The following TTC34 variants were observed in gnomAD, a reference collection of about 807,000 sequenced individuals.
TTC34 encodes the protein tetratricopeptide repeat domain 34, also known as tetratricopeptide repeat protein 34.
TTC34 carries 44 observed loss-of-function variants against 40.7 expected under a neutral mutation model. That is an observed-to-expected ratio of 1.08 (90% CI 0.85 to 1.39). The LOEUF (loss-of-function observed/expected upper bound fraction) is 1.39, where lower values mean the gene tolerates loss of function less well. TTC34 is among the 40% of genes most tolerant of loss of function. The probability of loss-of-function intolerance (pLI) is 0.00; values close to 1 mark genes in which losing one functional copy is unlikely to be tolerated. For missense variants in TTC34, 884 were observed against 838.0 expected, an observed-to-expected ratio of 1.05 and a Z score of -0.68; for synonymous variants, 422 against 398.6, an observed-to-expected ratio of 1.06 and a Z score of -0.70.
chr1:2,750,775 G>C (rs1455090237), intron 6 of TTC34, among the ~76,000 whole-genome samples: 1 of 105,730 alleles, frequency 9.5e-6, no homozygotes, highest in South Asian at 3.4e-4. Flanking sequence ...AAACACAGGT[G>C]AACATCGGAG....
intron 6 of TTC34, among the ~76,000 whole-genome samples, chr1:2,753,026 C>G (rs1641376499): frequency 2.7e-5 from 4 of 146,582 alleles, no homozygotes; most frequent in Non-Finnish European, 4.5e-5. Context: ...TCCAGGTGAG[C>G]ATCCGACAGC....
At position 2,772,933 on chromosome 1, in the gene TTC34, C is replaced by G. The variant is rs553131237; in HGVS notation, c.2226+10676G>C. The stretch of plus-strand genomic sequence containing the variant: ...GCATTCGACAGCCTGGAACAGCACC[C>G]ATACCCCCAGGCGAGCATCTGACAG... On this transcript the variant is annotated intron_variant, in intron 6 of 8. Coordinates refer to ENST00000401095, the Ensembl canonical transcript of TTC34. Among the ~76,000 whole-genome samples the G allele has an allele frequency of 3.0e-5, 4 of 133,278 alleles. No individual in the cohort carries two copies. In the South Asian group the frequency reaches 9.9e-4, roughly 33 times the overall value. The allele number at this position is 133,278 out of a possible 152,430, so 87.4% of individuals were successfully genotyped here.
intron 2 of TTC34, among the ~76,000 whole-genome samples, chr1:2,795,540 G>A (rs911297588): frequency 1.3e-5 from 2 of 152,186 alleles, no homozygotes; most frequent in Admixed American, 1.3e-4. Flanking sequence ...TGGGGCCTCT[G>A]AGGCTTGGGC....
At chr1:2,648,277 AG>A (rs1452200038) in intron 6 of TTC34, among the ~76,000 whole-genome samples, 3 of 152,074 alleles carry the variant, frequency 2.0e-5, no homozygotes, top group African/African-American at 7.2e-5. Context: ...CTGTCCTGCA[AG>A]GGGGCTGATT....
chr1:2,799,035 TAGCCTCCC>T (rs1308743653), intron 2 of TTC34, among the ~76,000 whole-genome samples: 6 of 23,148 alleles, frequency 2.6e-4, no homozygotes, highest in South Asian at 3.2e-3. Context: ...CCCAGCCCCC[TAGCCTCCC>T]AGCCTCCCAG....
chr1:2,784,990 TGCTCTGGGCC>T (rs782068224), intron 5 of TTC34, among the ~76,000 whole-genome samples: 4 of 150,838 alleles, frequency 2.7e-5, no homozygotes, highest in Non-Finnish European at 4.4e-5. Context: ...CGCTCTGGGC[TGCTCTGGGCC>T]GCTCTGGGCC....
chr1:2,800,342 G>C (rs751358), exon 2 of TTC34: 159,648 of 398,438 alleles, frequency 0.4, 33,647 homozygotes, highest in Non-Finnish European at 0.44. Context: ...CGAAGGCCTG[G>C]AGATAGGCGG....
At chr1:2,642,481 G>C (rs1372713519) in intron 8 of TTC34, among the ~76,000 whole-genome samples, 1 of 152,178 alleles carries the variant, frequency 6.6e-6, no homozygotes, top group East Asian at 1.9e-4. Context: ...TGTGCTGTGG[G>C]CTGCTGCTGG....
intron 6 of TTC34, among the ~76,000 whole-genome samples, chr1:2,760,846 G>C (rs1301639978): frequency 1.4e-4 from 2 of 14,004 alleles, no homozygotes; most frequent in Non-Finnish European, 1.0e-4. Flanking sequence ...ACCCATACCC[G>C]CAGTTGAGCA....
At chr1:2,691,616 C>T (rs867502477) in intron 6 of TTC34, among the ~76,000 whole-genome samples, 1 of 119,098 alleles carries the variant, frequency 8.4e-6, no homozygotes. Context: ...TGGAACAGCA[C>T]CCTGCACCCC....
intron 6 of TTC34, among the ~76,000 whole-genome samples, chr1:2,684,666 A>T (rs958782705): frequency 7.9e-6 from 1 of 126,994 alleles, no homozygotes; most frequent in African/African-American, 3.5e-5. Flanking sequence ...AGCCTGGAGC[A>T]GCACCCACAC....
At chr1:2,654,043 C>A (rs1207209793) in intron 6 of TTC34, among the ~76,000 whole-genome samples, 1 of 151,788 alleles carries the variant, frequency 6.6e-6, no homozygotes, top group East Asian at 1.9e-4. Context: ...TGGAGCAGTG[C>A]CCACACCACC....
chr1:2,681,964 C>T (rs1358840230), intron 6 of TTC34, among the ~76,000 whole-genome samples: 15 of 114,772 alleles, frequency 1.3e-4, no homozygotes, highest in East Asian at 7.0e-4. Flanking sequence ...GAGCATCTGA[C>T]GGCCTGGAAC....
At chr1:2,799,520 G>C (rs1643750352) in intron 2 of TTC34, among the ~76,000 whole-genome samples, 1 of 151,976 alleles carries the variant, frequency 6.6e-6, no homozygotes, top group South Asian at 2.1e-4. Flanking sequence ...TCCAGCCTGG[G>C]CAACAAGAAT....
intron 6 of TTC34, among the ~76,000 whole-genome samples, chr1:2,698,606 A>C (rs550927415): frequency 3.3e-5 from 2 of 60,486 alleles, no homozygotes; most frequent in Admixed American, 1.5e-4. Flanking sequence ...CAGCACCCAC[A>C]CTCCCAGACG....
intron 6 of TTC34, among the ~76,000 whole-genome samples, chr1:2,750,987 G>C (rs1488798243): frequency 1.1e-5 from 1 of 94,122 alleles, no homozygotes; most frequent in Non-Finnish European, 2.0e-5. Flanking sequence ...GCATGTGATG[G>C]TCTGGAGCAG....
At chr1:2,651,724 C>A (rs927718824) in intron 6 of TTC34, among the ~76,000 whole-genome samples, 2 of 151,504 alleles carry the variant, frequency 1.3e-5, no homozygotes, top group Non-Finnish European at 2.9e-5. Flanking sequence ...CCTCTCCAAC[C>A]TTCAGGTGAT....
intron 6 of TTC34, among the ~76,000 whole-genome samples, chr1:2,700,651 C>CAGATTTTT (rs1557634300): frequency 8.2e-6 from 1 of 122,004 alleles, no homozygotes; most frequent in Non-Finnish European, 1.9e-5. Context: ...TGAAACAGCA[C>CAGATTTTT]CCCACACCCC....
chr1:2,750,206 C>G (rs1248062898), intron 6 of TTC34, among the ~76,000 whole-genome samples: 1 of 140,820 alleles, frequency 7.1e-6, no homozygotes, highest in Non-Finnish European at 1.5e-5. Flanking sequence ...ACCCACACCC[C>G]CAGGTGCGCA....
Sources: gnomAD v4.1 joint callset for allele counts (sites outside exome capture counted in the v4.1 genomes callset) on GRCh38, gnomAD v4.1.1 for gene constraint, MANE v1.5 for transcripts, NCBI Gene and HGNC (gene_info 2026-07-23, HGNC 2026-07-21) for gene names.